Variants in UPP2 observed in about 807,000 individuals in gnomAD.
The protein encoded by UPP2 is UPase 2.
Under a neutral mutation model 26.7 loss-of-function variants are expected in UPP2, and 23 were observed. That is an observed-to-expected ratio of 0.86 (90% CI 0.62 to 1.22). UPP2 has a LOEUF of 1.22. Among genes scored for constraint, UPP2 ranks in the 50% most tolerant of loss-of-function variants. UPP2 has a pLI of 0.00. For synonymous variants in UPP2, 127 were observed against 141.3 expected, an observed-to-expected ratio of 0.90 and a Z score of 0.72; for missense variants, 387 against 396.7, an observed-to-expected ratio of 0.98 and a Z score of 0.21.
chr2:158,040,065 G>T (rs1012288804), intron 3 of UPP2, among the ~76,000 whole-genome samples: 2 of 152,216 alleles, frequency 1.3e-5, no homozygotes, highest in East Asian at 1.9e-4. Context: ...AGTTAAAAAT[G>T]ATCTTTGTGG....
Position 158,115,225 on chromosome 2 carries a change from G to C in UPP2, c.305G>C (p.Cys102Ser), listed in dbSNP as rs748381842. ...ATCTGTGCTGGGACAGACAGATACT[G>C]TATGTACAAAACCGGGCCTGTGCTC... Reference protein sequence around the residue: ...KDICAGTDRYCMYKTGPVLAI... With the variant: ...KDICAGTDRYSMYKTGPVLAI... Residue 102 changes from cysteine to serine, a missense_variant, in exon 3 of 7, where the codon TGT becomes TCT. Coordinates refer to ENST00000005756, the MANE Select transcript of UPP2 (RefSeq NM_173355.4). The C allele has an allele frequency of 2.5e-6, 4 of 1,612,582 alleles. No homozygotes were observed. The highest frequency in any genetic ancestry group is 1.7e-6 in the Non-Finnish European group (2 of 1,179,348).
intron 3 of UPP2, among the ~76,000 whole-genome samples, chr2:158,026,915 C>T: frequency 6.6e-6 from 1 of 152,138 alleles, no homozygotes; most frequent in East Asian, 1.9e-4. Context: ...GCGGAAACCC[C>T]TGATAAAACT....
At chr2:158,067,549 G>C (rs1332086845) in intron 3 of UPP2, among the ~76,000 whole-genome samples, 1 of 152,098 alleles carries the variant, frequency 6.6e-6, no homozygotes, top group East Asian at 1.9e-4. Context: ...GTGCATCAGG[G>C]ATTGGAAAAC....
Position 158,123,924 on chromosome 2 carries a change from A to T in UPP2, c.811+29A>T, listed in dbSNP as rs1683633079. ...AGCTTTTCGTGAATGCTTAGGGTCA[A>T]ATTCTCCTCTTTCATGAAGCTACTT... On this transcript the variant is annotated intron_variant, in intron 6 of 6. Transcript: ENST00000005756. 1.9e-6 allele frequency: 3 copies of T among 1,603,974 alleles called. No individual in the cohort carries two copies. The African/African-American group carries it at 4.0e-5, about 22-fold the overall frequency.
At chr2:158,068,554 C>T (rs541696433) in intron 3 of UPP2, among the ~76,000 whole-genome samples, 19 of 151,544 alleles carry the variant, frequency 1.3e-4, no homozygotes, top group South Asian at 4.2e-4. Flanking sequence ...ATGACAGAGA[C>T]GGGGGCAGGG....
chr2:158,071,639 A>T (rs10202707), intron 3 of UPP2, among the ~76,000 whole-genome samples: 22,663 of 150,288 alleles, frequency 0.15, 2,020 homozygotes, highest in East Asian at 0.41. Flanking sequence ...TTTGGCTTGT[A>T]TCTTGACTAC....
At chr2:158,058,378 C>G (rs1682290830) in intron 3 of UPP2, among the ~76,000 whole-genome samples, 2 of 30,668 alleles carry the variant, frequency 6.5e-5, no homozygotes, top group Non-Finnish European at 5.0e-5. Context: ...TGTATGCTCT[C>G]TCTCTCTCTC....
At chr2:158,024,254 A>C (rs189466376) in intron 3 of UPP2, among the ~76,000 whole-genome samples, 32 of 152,262 alleles carry the variant, frequency 2.1e-4, no homozygotes, top group Admixed American at 4.6e-4. Context: ...CTGGGAGGTT[A>C]TCTCTTCTCC....
intron 3 of UPP2, among the ~76,000 whole-genome samples, chr2:158,093,460 G>A: frequency 6.6e-6 from 1 of 151,972 alleles, no homozygotes; most frequent in Middle Eastern, 3.2e-3. Flanking sequence ...TGGAAAGTTT[G>A]GAAGTAAAGG....
intron 2 of UPP2, among the ~76,000 whole-genome samples, chr2:158,013,539 C>G (rs763978914): frequency 6.6e-6 from 1 of 152,202 alleles, no homozygotes; most frequent in Non-Finnish European, 1.5e-5. Flanking sequence ...GTGACTTTTT[C>G]TCTCTTGCTC....
At position 158,125,298 on chromosome 2, in the gene UPP2, C is replaced by A. The variant is rs527821346; in HGVS notation, c.811+1403C>A. ...TCTAAGAATGCATTTTACAAAAAAG[C>A]TGTAGTTCTAAGGAGATTAATTGTT... On this transcript the variant is annotated intron_variant, in intron 6 of 6. Transcript: ENST00000005756. Among the ~76,000 whole-genome samples the A allele has an allele frequency of 3.3e-5, 5 of 152,272 alleles. No homozygotes were observed. The East Asian group carries it at 9.6e-4, about 29-fold the overall frequency.
At chr2:158,069,222 C>T (rs955446900) in intron 3 of UPP2, among the ~76,000 whole-genome samples, 1 of 152,114 alleles carries the variant, frequency 6.6e-6, no homozygotes. Context: ...TTGATGTCCA[C>T]CTGTGCAAGT....
At chr2:158,073,178 T>C (rs1488638947) in intron 3 of UPP2, among the ~76,000 whole-genome samples, 1 of 152,002 alleles carries the variant, frequency 6.6e-6, no homozygotes, top group Non-Finnish European at 1.5e-5. Context: ...AGCTGAAAAA[T>C]GCAACTGACA....
intron 3 of UPP2, among the ~76,000 whole-genome samples, chr2:158,094,241 T>C (rs1682953867): frequency 6.6e-6 from 1 of 151,998 alleles, no homozygotes; most frequent in African/African-American, 2.4e-5. Flanking sequence ...AATCTTTCCT[T>C]TAAAAAAAAA....
intron 3 of UPP2, among the ~76,000 whole-genome samples, chr2:158,042,960 G>A (rs755955872): frequency 4.6e-5 from 7 of 152,174 alleles, no homozygotes; most frequent in Non-Finnish European, 1.0e-4. Context: ...AGCACCCTCC[G>A]CAAAGAGCAA....
At chr2:158,048,583 G>A (rs541492334) in intron 3 of UPP2, among the ~76,000 whole-genome samples, 8 of 152,274 alleles carry the variant, frequency 5.3e-5, no homozygotes, top group East Asian at 3.9e-4. Flanking sequence ...CAGCCTGTAT[G>A]ACAGAATGAG....
At chr2:158,047,575 G>A (rs1684174539) in intron 3 of UPP2, among the ~76,000 whole-genome samples, 1 of 152,198 alleles carries the variant, frequency 6.6e-6, no homozygotes, top group African/African-American at 2.4e-5. Context: ...GTGGAAATGA[G>A]AAGGCACAGG....
chr2:158,022,105 G>A (rs1290607857), intron 3 of UPP2, among the ~76,000 whole-genome samples: 1 of 151,566 alleles, frequency 6.6e-6, no homozygotes, highest in Non-Finnish European at 1.5e-5. Context: ...CTAGATGAGT[G>A]GCTTCTACAT....
chr2:158,106,573 C>A (rs562465433), intron 2 of UPP2, among the ~76,000 whole-genome samples: 1 of 152,024 alleles, frequency 6.6e-6, no homozygotes, highest in Non-Finnish European at 1.5e-5. Context: ...CACTAGTTCT[C>A]GTTTTATTAA....
Sources: gnomAD v4.1 joint callset for allele counts (sites outside exome capture counted in the v4.1 genomes callset) on GRCh38, gnomAD v4.1.1 for gene constraint, MANE v1.5 for transcripts, NCBI Gene and HGNC (gene_info 2026-07-23, HGNC 2026-07-21) for gene names.